Variants in NRXN2 observed in about 807,000 individuals in gnomAD.
NRXN2 encodes neurexin-2-beta.
In NRXN2, 29 loss-of-function variants were observed where a neutral mutation model predicts 128.8. That is an observed-to-expected ratio of 0.23 (90% confidence interval 0.17 to 0.31). NRXN2 has a LOEUF of 0.31. NRXN2 is among the 10% of genes least tolerant of loss of function. NRXN2 has a pLI of 1.00. For synonymous variants in NRXN2, 1,098 were observed against 1,075.2 expected (o/e 1.02, Z -0.41); for missense variants, 1,881 against 2,452.6 (o/e 0.77, Z 4.92).
At chr11:64,669,829 G>T (rs1391313806) in intron 7 of NRXN2, among the ~76,000 whole-genome samples, 1 of 152,218 alleles carries the variant, frequency 6.6e-6, no homozygotes, top group African/African-American at 2.4e-5. Context: ...AGCTCTGCAG[G>T]GTCAACAGGA....
At chr11:64,701,089 C>T (rs940864038) in intron 2 of NRXN2, among the ~76,000 whole-genome samples, 1 of 152,170 alleles carries the variant, frequency 6.6e-6, no homozygotes, top group Admixed American at 6.5e-5. Context: ...CTGATCAGTC[C>T]CTCTCCTTGG....
intron 17 of NRXN2, among the ~76,000 whole-genome samples, chr11:64,646,883 G>C (rs1443172180): frequency 2.0e-5 from 3 of 152,234 alleles, no homozygotes; most frequent in African/African-American, 4.8e-5. Flanking sequence ...GTCAAGTAAG[G>C]AAAATCTTGG....
At chr11:64,619,517 G>A (rs1369914871) in intron 22 of NRXN2, among the ~76,000 whole-genome samples, 5 of 151,952 alleles carry the variant, frequency 3.3e-5, no homozygotes, top group African/African-American at 1.2e-4. Context: ...TGCACCCTTG[G>A]CTCCAGCAAG....
At position 64,701,765 on chromosome 11, in the gene NRXN2, G is replaced by C. The variant is rs1385588009; in HGVS notation, c.731-3973C>G. ...AAAAAGAAATAAATAAGCCCCGTCCGGGGGGGAAGTGGGGGGATCAGCCCC... is the reference window on the plus strand; with the variant it reads ...AAAAAGAAATAAATAAGCCCCGTCCCGGGGGGAAGTGGGGGGATCAGCCCC... On this transcript the variant is annotated intron_variant, in intron 2 of 22. Coordinates refer to ENST00000265459, the MANE Select transcript of NRXN2 (RefSeq NM_015080.4). 3.3e-5 allele frequency among the ~76,000 whole-genome samples: 5 copies of C among 152,102 alleles called. No homozygotes were observed. In the East Asian group the frequency reaches 7.7e-4, roughly 23 times the overall value.
At chr11:64,699,523 C>T (rs978507101) in intron 2 of NRXN2, among the ~76,000 whole-genome samples, 1 of 145,192 alleles carries the variant, frequency 6.9e-6, no homozygotes, top group Admixed American at 7.2e-5. Flanking sequence ...CTCCACCTCC[C>T]GGGTTCAAGT....
intron 2 of NRXN2, among the ~76,000 whole-genome samples, chr11:64,707,624 A>G (rs571085018): frequency 6.6e-6 from 1 of 152,332 alleles, no homozygotes; most frequent in Admixed American, 6.5e-5. Flanking sequence ...TACATGAACT[A>G]GCTAATTTAA....
chr11:64,628,762 C>G (rs1258975422), intron 19 of NRXN2, among the ~76,000 whole-genome samples: 8 of 152,232 alleles, frequency 5.3e-5, no homozygotes, highest in African/African-American at 1.9e-4. Context: ...CATGCCTACA[C>G]AGCCAGAGCT....
At position 64,648,364 on chromosome 11, in the gene NRXN2, C is replaced by A. The variant is rs1389753054; in HGVS notation, c.3284-26G>T. 1.2e-6 allele frequency: 2 copies of A among 1,613,758 alleles called. No homozygotes were observed. Among genetic ancestry groups the A allele is most frequent in the Non-Finnish European group, 1.7e-6 (2 of 1,179,902 alleles). ...CTGGAAGGGGCAGGAGAAAGGAACACCCCTGGCTCAGCCAAGCCCCCTCTT... is the reference window on the plus strand; with the variant it reads ...CTGGAAGGGGCAGGAGAAAGGAACAACCCTGGCTCAGCCAAGCCCCCTCTT... On this transcript the variant is annotated intron_variant, in intron 16 of 22. Coordinates refer to ENST00000265459, the MANE Select transcript of NRXN2 (RefSeq NM_015080.4). The surrounding 1 kb of genome is among the most constrained non-coding windows in gnomAD (Gnocchi z 4.1).
At chr11:64,666,650 G>A (rs554096039) in intron 9 of NRXN2, among the ~76,000 whole-genome samples, 11 of 151,928 alleles carry the variant, frequency 7.2e-5, no homozygotes, top group South Asian at 2.1e-4. Context: ...TGCAAGCTCC[G>A]CCTCCCAGGT....
intron 17 of NRXN2, among the ~76,000 whole-genome samples, chr11:64,639,778 C>A (rs1475104073): frequency 6.6e-6 from 1 of 152,068 alleles, no homozygotes; most frequent in Non-Finnish European, 1.5e-5. Flanking sequence ...CAAAAGAAGG[C>A]AAGTGGAGAA....
intron 12 of NRXN2, 38 bp downstream of exon 12, chr11:64,653,658 C>G: frequency 6.3e-7 from 1 of 1,580,030 alleles, no homozygotes. Flanking sequence ...CATCCCAGTC[C>G]CCTTGGGTCT....
intron 22 of NRXN2, among the ~76,000 whole-genome samples, chr11:64,617,232 G>A (rs951099084): frequency 2.0e-5 from 3 of 152,054 alleles, no homozygotes; most frequent in Non-Finnish European, 4.4e-5. Context: ...GTAAATGTAT[G>A]TATGTGTAGG....
Position 64,623,000 on chromosome 11 carries a change from T to A in NRXN2, c.3926A>T (p.Gln1309Leu). The change falls in exon 21 of 23, where the codon CAG becomes CTG. Residue 1309 changes from glutamine (Q) to leucine (L), a missense_variant. Gln to Leu is a moderately radical substitution (Grantham distance 113). This residue lies in a region of NRXN2 where 108 missense variants were observed against 165.2 expected (regional missense o/e 0.65). Transcript: ENST00000265459. The surrounding 1 kb of genome is among the most constrained non-coding windows in gnomAD (Gnocchi z 4.3). Reference protein sequence around the residue: ...GRDQGRPFQGQVSGLYYNGLK... With the variant: ...GRDQGRPFQGLVSGLYYNGLK... ...CCCATTGTAGTAGAGGCCGGACACC[T>A]GGCCCTGGAAGGGGCGGCCCTGATC... 6.2e-7 allele frequency: 1 copy of A among 1,613,152 alleles called. No individual in the cohort carries two copies. Among genetic ancestry groups the A allele is most frequent in the South Asian group, 1.1e-5 (1 of 90,984 alleles).
At chr11:64,717,359 C>T (rs1364442192) in intron 1 of NRXN2, among the ~76,000 whole-genome samples, 4 of 152,174 alleles carry the variant, frequency 2.6e-5, no homozygotes, top group Non-Finnish European at 5.9e-5. Context: ...GGCCCAGAGC[C>T]GCCACACCTC....
intron 5 of NRXN2, among the ~76,000 whole-genome samples, chr11:64,686,919 G>C (rs1281627103): frequency 3.3e-5 from 5 of 152,334 alleles, no homozygotes. Flanking sequence ...CAAGTGAGAA[G>C]ACAATGACTC....
chr11:64,664,637 G>T (rs1265058481), intron 9 of NRXN2, among the ~76,000 whole-genome samples: 1 of 152,128 alleles, frequency 6.6e-6, no homozygotes, highest in African/African-American at 2.4e-5. Flanking sequence ...AAATGGAAAA[G>T]ATCTAAGAGA....
chr11:64,716,502 A>C (rs1336382603), intron 1 of NRXN2, among the ~76,000 whole-genome samples: 1 of 152,102 alleles, frequency 6.6e-6, no homozygotes, highest in Non-Finnish European at 1.5e-5. Context: ...AGGGGGGCGA[A>C]GCGGCTGAGA....
At chr11:64,711,274 G>A (rs952904673) in intron 2 of NRXN2, among the ~76,000 whole-genome samples, 2 of 152,266 alleles carry the variant, frequency 1.3e-5, no homozygotes, top group East Asian at 1.9e-4. Flanking sequence ...CTGGGGGGAC[G>A]GACACACACA....
chr11:64,660,816 CT>C lies in NRXN2; in HGVS notation c.2121del (p.Gly708AlafsTer26). On this transcript the variant is annotated frameshift_variant, in exon 10 of 23. Transcript: ENST00000265459. LOFTEE classifies it high-confidence loss of function. The surrounding 1 kb of genome is among the most constrained non-coding windows in gnomAD (Gnocchi z 5.2). ...APCRNGGVCR[E>X]GWNRFICDCI... ...CAGTCACAGATGAAGCGGTTCCAGCCTTCTCGACAGACGCCCCCATTGCGAC... is the reference window on the plus strand; with the variant it reads ...CAGTCACAGATGAAGCGGTTCCAGCCTCTCGACAGACGCCCCCATTGCGAC... The C allele has an allele frequency of 6.2e-7, 1 of 1,614,078 alleles. No homozygotes were observed. Among genetic ancestry groups the C allele is most frequent in the South Asian group, 1.1e-5 (1 of 91,088 alleles).
Sources: allele counts gnomAD v4.1 joint callset (sites outside exome capture counted in the v4.1 genomes callset), GRCh38; gene constraint gnomAD v4.1.1; regional missense constraint gnomAD v4.1.1; non-coding constraint Gnocchi (gnomAD v3.1); transcripts MANE v1.5; gene names NCBI Gene and HGNC (gene_info 2026-07-23, HGNC 2026-07-21).